Variants in ADGRV1 observed in about 807,000 individuals in gnomAD.
ADGRV1 encodes the protein adhesion G protein-coupled receptor V1.
ADGRV1 carries 359 observed loss-of-function variants against 596.2 expected under a neutral mutation model. The observed-to-expected ratio is 0.60, with a 90% CI of 0.55 to 0.66. The LOEUF is 0.66. Ranked by LOEUF, ADGRV1 falls within the 30% of genes least tolerant of loss-of-function variation. ADGRV1 has a pLI of 0.00. For synonymous variants in ADGRV1, 2,681 were observed against 2,679.2 expected, an observed-to-expected ratio of 1.00 and a Z score of -0.02; for missense variants, 7,274 against 7,575.6, an observed-to-expected ratio of 0.96 and a Z score of 1.48.
At chr5:90,640,401 CT>C (rs1460745092) in intron 11 of ADGRV1, among the ~76,000 whole-genome samples, 3 of 152,166 alleles carry the variant, frequency 2.0e-5, no homozygotes, top group Non-Finnish European at 4.4e-5. Context: ...GAACAACTGG[CT>C]TTAGATCTGA....
chr5:90,572,005 T>A (rs143069221), intron 1 of ADGRV1, among the ~76,000 whole-genome samples: 333 of 152,256 alleles, frequency 2.2e-3, no homozygotes, highest in African/African-American at 7.7e-3. Flanking sequence ...AGCAGAGGAT[T>A]TTAGGAGGTC....
intron 50 of ADGRV1, among the ~76,000 whole-genome samples, chr5:90,743,834 A>G (rs1754285183): frequency 6.6e-6 from 1 of 151,970 alleles, no homozygotes; most frequent in African/African-American, 2.4e-5. Context: ...ATGTTTTTCT[A>G]TGATTTCTCA....
chr5:90,755,974 C>A (rs950897718), intron 55 of ADGRV1, among the ~76,000 whole-genome samples: 17 of 150,884 alleles, frequency 1.1e-4, no homozygotes, highest in Admixed American at 1.1e-3. Context: ...TGAGGGTTTT[C>A]CCCCCCTTTT....
intron 43 of ADGRV1, chr5:90,717,466 A>C (rs1458480525): frequency 8.5e-6 from 1 of 118,020 alleles, no homozygotes; most frequent in African/African-American, 3.5e-5. Context: ...GCAGAGTCTC[A>C]CTCTGTCATC....
intron 83 of ADGRV1, among the ~76,000 whole-genome samples, chr5:90,905,913 C>T (rs1772280357): frequency 6.6e-6 from 1 of 151,842 alleles, no homozygotes; most frequent in South Asian, 2.1e-4. Flanking sequence ...ATTCTACATC[C>T]AGTTTTTTGA....
intron 22 of ADGRV1, 149 bp downstream of exon 22, chr5:90,672,871 A>G: frequency 5.1e-6 from 3 of 586,660 alleles, no homozygotes; most frequent in Non-Finnish European, 8.8e-6. Context: ...TTTGCTTCAA[A>G]CATGTCTGCT....
At chr5:90,703,489 G>T (rs1468538416) in intron 34 of ADGRV1, among the ~76,000 whole-genome samples, 176 bp from the exon 35 acceptor site, 1 of 152,040 alleles carries the variant, frequency 6.6e-6, no homozygotes, top group Non-Finnish European at 1.5e-5. Flanking sequence ...TAGAAGTGGG[G>T]ATAATAAACA....
At chr5:90,974,791 C>T (rs1307234418) in intron 84 of ADGRV1, among the ~76,000 whole-genome samples, 1 of 152,134 alleles carries the variant, frequency 6.6e-6, no homozygotes, top group African/African-American at 2.4e-5. Flanking sequence ...TAAGTATGGG[C>T]AAGGACTTCA....
chr5:91,043,067 G>A (rs1785502439), intron 85 of ADGRV1, among the ~76,000 whole-genome samples: 1 of 152,112 alleles, frequency 6.6e-6, no homozygotes, highest in South Asian at 2.1e-4. Context: ...CTGTGTATCA[G>A]CAATTTCCTG....
chr5:90,713,950 CA>C (rs1483689115), intron 42 of ADGRV1, among the ~76,000 whole-genome samples: 8 of 152,122 alleles, frequency 5.3e-5, no homozygotes, highest in Non-Finnish European at 1.0e-4. Context: ...AACCATGCCC[CA>C]TTGATTGACC....
intron 85 of ADGRV1, among the ~76,000 whole-genome samples, chr5:91,062,230 A>C (rs1037764831): frequency 2.0e-5 from 3 of 152,122 alleles, no homozygotes. Flanking sequence ...TTGCTCCAAT[A>C]TGGCCATTTG....
intron 1 of ADGRV1, among the ~76,000 whole-genome samples, chr5:90,562,801 G>T (rs1755036902): frequency 6.6e-6 from 1 of 152,076 alleles, no homozygotes; most frequent in Admixed American, 6.5e-5. Flanking sequence ...GAAAAGTTGG[G>T]GCATCTCTTT....
chr5:91,151,339 A>T (rs1311427562), intron 88 of ADGRV1, among the ~76,000 whole-genome samples: 1 of 152,204 alleles, frequency 6.6e-6, no homozygotes. Flanking sequence ...TTAACTAGTA[A>T]CAGAAACAGA....
chr5:90,833,067 A>T (rs1010499212), intron 77 of ADGRV1, among the ~76,000 whole-genome samples: 1 of 151,850 alleles, frequency 6.6e-6, no homozygotes, highest in African/African-American at 2.4e-5. Context: ...TTTGCTCAGG[A>T]TAGCTTTGGC....
chr5:91,022,961 T>C (rs1488311738), intron 85 of ADGRV1, among the ~76,000 whole-genome samples: 2 of 152,244 alleles, frequency 1.3e-5, no homozygotes, highest in Non-Finnish European at 2.9e-5. Context: ...TGTGAAGTCC[T>C]AGGGCCTTGG....
chr5:90,599,515 A>T (rs1461892838), intron 1 of ADGRV1, among the ~76,000 whole-genome samples: 1 of 152,206 alleles, frequency 6.6e-6, no homozygotes, highest in African/African-American at 2.4e-5. Context: ...TTTAGCAAAG[A>T]GTATTTTCAC....
In ADGRV1 at chr5:90,728,900, A is replaced by T; in HGVS notation, c.10393A>T (p.Ile3465Phe). The T allele has an allele frequency of 1.2e-6, 2 of 1,612,658 alleles. No homozygotes were observed. The highest frequency in any genetic ancestry group is 1.7e-6 in the Non-Finnish European group (2 of 1,179,366). The part of the protein sequence containing the change: ...EVEALSSAND[I>F]YLIFAENVFL... The stretch of plus-strand genomic sequence containing the variant: ...TGAGGCTTTGTCTTCAGCCAATGAT[A>T]TTTACCTAATATTTGCCGAAAATGT... The change falls in exon 49 of 90, where the codon ATT (isoleucine) becomes TTT (phenylalanine). Residue 3465 changes from isoleucine (I) to phenylalanine (F), a missense_variant. Around this residue, in one of 5 missense-constraint regions of ADGRV1, gnomAD observed 3,643 missense variants for 3,809.2 expected, o/e 0.96. Coordinates refer to ENST00000405460, the MANE Select transcript of ADGRV1 (RefSeq NM_032119.4).
intron 75 of ADGRV1, chr5:90,822,150 C>G (rs1408300747): frequency 6.4e-6 from 1 of 155,670 alleles, no homozygotes; most frequent in Non-Finnish European, 1.4e-5. Flanking sequence ...CCGAAAAGCG[C>G]AATATTTGGG....
intron 88 of ADGRV1, 109 bp from the exon 89 acceptor site, chr5:91,153,112 C>T: frequency 1.2e-6 from 1 of 815,606 alleles, no homozygotes; most frequent in Non-Finnish European, 1.9e-6. Flanking sequence ...TGCCGTTTAG[C>T]AAGGTCTTTG....
Sources: gnomAD v4.1 joint callset for allele counts (sites outside exome capture counted in the v4.1 genomes callset) on GRCh38, gnomAD v4.1.1 for gene constraint, gnomAD v4.1.1 regional missense constraint, MANE v1.5 for transcripts, NCBI Gene and HGNC (gene_info 2026-07-23, HGNC 2026-07-21) for gene names.